The following FAM222B variants were observed in gnomAD, a reference collection of about 807,000 sequenced individuals.
FAM222B encodes the protein family with sequence similarity 222 member B, also known as protein FAM222B.
FAM222B carries 12 observed loss-of-function variants against 38.0 expected under a neutral mutation model. The ratio of observed to expected loss-of-function variants is 0.32; its 90% CI spans 0.20 to 0.51. The LOEUF (loss-of-function observed/expected upper bound fraction) is 0.51. FAM222B is among the 20% of genes least tolerant of loss of function. FAM222B has a pLI of 0.97. For synonymous variants in FAM222B, 329 were observed against 317.2 expected (o/e 1.04, Z -0.40); for missense variants, 716 against 754.2 (o/e 0.95, Z 0.59).
chr17:28,843,694 C>T (rs1324587192), upstream of FAM222B, among the ~76,000 whole-genome samples: 1 of 152,004 alleles, frequency 6.6e-6, no homozygotes, highest in Non-Finnish European at 1.5e-5. Flanking sequence ...ATGATTCGCC[C>T]GCCCCGGCCT....
intron 1 of FAM222B, among the ~76,000 whole-genome samples, chr17:28,769,737 A>C (rs1477839013): frequency 1.3e-5 from 2 of 151,970 alleles, no homozygotes; most frequent in African/African-American, 4.8e-5. Flanking sequence ...CTTCTGACCT[A>C]CCCTGCCCTC....
intron 1 of FAM222B, among the ~76,000 whole-genome samples, chr17:28,827,540 T>G (rs560159032): frequency 5.9e-5 from 9 of 152,140 alleles, no homozygotes; most frequent in African/African-American, 2.2e-4. Context: ...GTTAGCAGGA[T>G]AGTAAAATGT....
At chr17:28,765,315 G>T (rs1266833282) in intron 2 of FAM222B, among the ~76,000 whole-genome samples, 1 of 152,116 alleles carries the variant, frequency 6.6e-6, no homozygotes, top group Non-Finnish European at 1.5e-5. Context: ...CTGTTTTTTT[G>T]TAAAAAAGTT....
At chr17:28,809,049 G>A (rs1411789968) in intron 1 of FAM222B, among the ~76,000 whole-genome samples, 1 of 152,066 alleles carries the variant, frequency 6.6e-6, no homozygotes, top group African/African-American at 2.4e-5. Context: ...TCCAAGCCGT[G>A]ACTCACAGAA....
At chr17:28,835,651 A>C (rs2038819056) in intron 1 of FAM222B, among the ~76,000 whole-genome samples, 1 of 152,136 alleles carries the variant, frequency 6.6e-6, no homozygotes, top group South Asian at 2.1e-4. Context: ...TAAATCTTTT[A>C]AACAAAACAG....
At chr17:28,814,687 G>A (rs572084865) in intron 1 of FAM222B, among the ~76,000 whole-genome samples, 29 of 151,906 alleles carry the variant, frequency 1.9e-4, no homozygotes, top group Admixed American at 5.9e-4. Context: ...GGCTAGTCTC[G>A]AACTCCTGAC....
At chr17:28,837,301 G>A (rs1435826689) in intron 1 of FAM222B, among the ~76,000 whole-genome samples, 1 of 151,492 alleles carries the variant, frequency 6.6e-6, no homozygotes, top group Non-Finnish European at 1.5e-5. Flanking sequence ...GTGTTGGTGG[G>A]CGCCTGTAGT....
Position 28,786,141 on chromosome 17 carries a change from G to GT in FAM222B, c.-40-19435dup, listed in dbSNP as rs796268771. 2.4e-3 allele frequency among the ~76,000 whole-genome samples: 350 copies of GT among 145,036 alleles called. 1 individual carries two copies. Among genetic ancestry groups the GT allele is most frequent in the African/African-American group, 6.2e-3 (246 of 39,742 alleles). ...GCCACCACACCCGGCCATAGGTTTT[G>GT]TTTTTTTTTTTAAGTGTGCATGTAA... On this transcript the variant is annotated intron_variant, in intron 1 of 2. Transcript: ENST00000581407.
intron 1 of FAM222B, among the ~76,000 whole-genome samples, chr17:28,786,894 A>ATTTTTT (rs34396988): frequency 1.4e-5 from 1 of 72,002 alleles, no homozygotes; most frequent in Non-Finnish European, 2.5e-5. Context: ...CCTTCACTGT[A>ATTTTTT]TTTTTTTTTT....
intron 1 of FAM222B, among the ~76,000 whole-genome samples, chr17:28,820,086 G>C (rs1467435579): frequency 6.6e-6 from 1 of 152,142 alleles, no homozygotes; most frequent in East Asian, 1.9e-4. Context: ...TCTAAAATTA[G>C]CAACACACAG....
chr17:28,776,259 C>T (rs1365442157), intron 1 of FAM222B, among the ~76,000 whole-genome samples: 1 of 150,908 alleles, frequency 6.6e-6, no homozygotes, highest in Admixed American at 6.6e-5. Context: ...CGCCTATAGT[C>T]CCAGCTACTC....
intron 1 of FAM222B, among the ~76,000 whole-genome samples, chr17:28,821,673 T>G (rs891987978): frequency 1.3e-5 from 2 of 152,070 alleles, no homozygotes; most frequent in African/African-American, 4.8e-5. Flanking sequence ...AAAATAATCG[T>G]ACAGGGCCGG....
intron 1 of FAM222B, chr17:28,849,095 A>G (rs898155988): frequency 6.6e-6 from 1 of 151,928 alleles, no homozygotes; most frequent in African/African-American, 2.4e-5. Context: ...TCTCGTCTCC[A>G]CTAAAAATAC....
intron 1 of FAM222B, among the ~76,000 whole-genome samples, chr17:28,833,916 T>C (rs897453351): frequency 6.6e-6 from 1 of 152,172 alleles, no homozygotes; most frequent in Admixed American, 6.6e-5. Context: ...AAATCCTATA[T>C]ACCAAAATCA....
At chr17:28,818,324 C>A (rs555832381) in intron 1 of FAM222B, among the ~76,000 whole-genome samples, 1 of 151,914 alleles carries the variant, frequency 6.6e-6, no homozygotes, top group Non-Finnish European at 1.5e-5. Flanking sequence ...GTCAGGAGAT[C>A]GAGACCATCT....
At chr17:28,824,020 G>A (rs996770644) in intron 1 of FAM222B, among the ~76,000 whole-genome samples, 4 of 151,708 alleles carry the variant, frequency 2.6e-5, no homozygotes, top group Non-Finnish European at 4.4e-5. Flanking sequence ...TGGGACTACA[G>A]GCGCCTGCCA....
intron 1 of FAM222B, among the ~76,000 whole-genome samples, chr17:28,808,621 T>C (rs138553871): frequency 3.9e-5 from 6 of 152,332 alleles, no homozygotes; most frequent in African/African-American, 1.2e-4. Flanking sequence ...TTCAGACTCA[T>C]AGCAAACAAC....
At chr17:28,806,273 T>C (rs907795459) in intron 1 of FAM222B, among the ~76,000 whole-genome samples, 4 of 152,338 alleles carry the variant, frequency 2.6e-5, no homozygotes, top group Admixed American at 2.6e-4. Context: ...GAATGAACTT[T>C]TGTTTTTTCC....
chr17:28,794,515 C>T (rs771195852), intron 1 of FAM222B, among the ~76,000 whole-genome samples: 3 of 152,006 alleles, frequency 2.0e-5, no homozygotes, highest in Non-Finnish European at 4.4e-5. Context: ...CCACAGTGCC[C>T]GGCCTGTCTT....
Sources: gnomAD v4.1 joint callset for allele counts (sites outside exome capture counted in the v4.1 genomes callset) on GRCh38, gnomAD v4.1.1 for gene constraint, MANE v1.5 for transcripts, NCBI Gene and HGNC (gene_info 2026-07-23, HGNC 2026-07-21) for gene names.